The following ZNF624 variants were observed in gnomAD, a reference collection of about 807,000 sequenced individuals.
ZNF624 encodes the protein zinc finger protein 624.
ZNF624 carries 43 observed loss-of-function variants against 74.7 expected under a neutral mutation model. That is an observed-to-expected ratio of 0.58 (90% CI 0.45 to 0.74). ZNF624 has a LOEUF of 0.74. Ranked by LOEUF, ZNF624 falls within the 30% of genes least tolerant of loss-of-function variation. The pLI, the probability that ZNF624 is intolerant of heterozygous loss-of-function variation, is 0.00. For synonymous variants in ZNF624, 331 were observed against 341.3 expected (o/e 0.97, Z 0.33); for missense variants, 820 against 1,030.0 (o/e 0.80, Z 2.79).
intron 3 of ZNF624, among the ~76,000 whole-genome samples, chr17:16,643,490 A>G (rs1328663363): frequency 6.6e-6 from 1 of 152,228 alleles, no homozygotes; most frequent in Admixed American, 6.5e-5. Flanking sequence ...TATACAGATG[A>G]AAAGATTAGT....
intron 5 of ZNF624, among the ~76,000 whole-genome samples, chr17:16,628,936 C>T (rs991858221): frequency 6.6e-6 from 1 of 152,100 alleles, no homozygotes; most frequent in Non-Finnish European, 1.5e-5. Flanking sequence ...CAGTGGCTCA[C>T]ACCTGTAATC....
At chr17:16,628,246 G>C (rs954537984) in intron 5 of ZNF624, among the ~76,000 whole-genome samples, 3 of 152,032 alleles carry the variant, frequency 2.0e-5, no homozygotes, top group Non-Finnish European at 4.4e-5. Flanking sequence ...CTGGGTAAAA[G>C]AGCGAGACTC....
intron 2 of ZNF624, among the ~76,000 whole-genome samples, chr17:16,647,638 T>C (rs1035536233): frequency 2.6e-5 from 4 of 152,176 alleles, no homozygotes; most frequent in Non-Finnish European, 5.9e-5. Flanking sequence ...AAAGAACCTA[T>C]CAAAACAAAA....
chr17:16,640,630 G>A (rs1909444934), intron 3 of ZNF624, among the ~76,000 whole-genome samples: 1 of 152,066 alleles, frequency 6.6e-6, no homozygotes, highest in African/African-American at 2.4e-5. Context: ...TATGAACCAT[G>A]GTATGCGAAC....
At chr17:16,617,866 T>G (rs1161341120), downstream of ZNF624, 6 of 1,606,292 alleles carry the variant, frequency 3.7e-6, no homozygotes, top group Non-Finnish European at 5.1e-6. Context: ...AGGCGTCCTA[T>G]GTAGACGCGC....
intron 5 of ZNF624, among the ~76,000 whole-genome samples, chr17:16,629,398 T>A (rs1909154094): frequency 6.6e-6 from 1 of 151,440 alleles, no homozygotes; most frequent in African/African-American, 2.4e-5. Flanking sequence ...CCCCAAATGA[T>A]CCACCCACCT....
intron 3 of ZNF624, among the ~76,000 whole-genome samples, chr17:16,644,962 T>C (rs1909552958): frequency 1.3e-5 from 2 of 152,314 alleles, no homozygotes; most frequent in South Asian, 2.1e-4. Context: ...GACTTTCACA[T>C]GAGGGGTTTC....
rs148182583 is a variant in ZNF624 at position 16,649,733 on chromosome 17, T to C, written c.12A>G (p.Gln4=). ...TCCCCTCTCTGGAAAGAGTGGAGTC[T>C]TGCAAAGACATACCTAAGGAAGAGA... MSL[Q]DSTLSREGKP... Residue 4 remains glutamine (Q), a synonymous_variant, in exon 2 of 6, where the codon CAA becomes CAG. Transcript: ENST00000311331. 2.0e-4 allele frequency: 328 copies of C among 1,613,762 alleles called. No homozygotes were observed. The African/African-American group carries it at 4.1e-3, about 20-fold the overall frequency.
At chr17:16,627,181 T>C (rs897545807) in intron 5 of ZNF624, among the ~76,000 whole-genome samples, 1 of 151,984 alleles carries the variant, frequency 6.6e-6, no homozygotes, top group East Asian at 1.9e-4. Flanking sequence ...AGCAGAAAAA[T>C]TTGCTGCAAA....
At position 16,651,306 on chromosome 17, in the gene ZNF624, T is replaced by C. The variant is rs557830835; in HGVS notation, c.-2-1560A>G. Among the ~76,000 whole-genome samples the C allele has an allele frequency of 2.6e-5, 4 of 152,014 alleles. No individual in the cohort carries two copies. The South Asian group carries it at 8.3e-4, about 32-fold the overall frequency. On this transcript the variant is annotated intron_variant, in intron 1 of 5. Coordinates refer to ENST00000311331, the MANE Select transcript of ZNF624 (RefSeq NM_020787.4). ...TCAGCCAGGTGTGGTGGTGCACGCC[T>C]GTAGTCCCAGCTACTCGGGAGGCTG... is the stretch of plus-strand genomic sequence containing the variant.
intron 1 of ZNF624, among the ~76,000 whole-genome samples, chr17:16,652,336 G>A (rs776222093): frequency 5.9e-5 from 9 of 152,044 alleles, no homozygotes; most frequent in Non-Finnish European, 1.3e-4. Context: ...GCCCCATCCC[G>A]CAACCCCCGA....
At chr17:16,638,972 T>C (rs1030931259) in intron 3 of ZNF624, among the ~76,000 whole-genome samples, 1 of 152,216 alleles carries the variant, frequency 6.6e-6, no homozygotes, top group East Asian at 1.9e-4. Flanking sequence ...GGGCTTATAA[T>C]GTACTGAATG....
intron 3 of ZNF624, among the ~76,000 whole-genome samples, chr17:16,636,699 G>T (rs1909339761): frequency 6.6e-6 from 1 of 152,090 alleles, no homozygotes; most frequent in Non-Finnish European, 1.5e-5. Flanking sequence ...AGCCGGGTGT[G>T]GTGGCGGGTG....
At position 16,624,062 on chromosome 17, in the gene ZNF624, G is replaced by A. The variant is rs201155737; in HGVS notation, c.824C>T (p.Pro275Leu). 1.2e-6 allele frequency: 2 copies of A among 1,614,004 alleles called. No homozygotes were observed. Among genetic ancestry groups the A allele is most frequent in the Non-Finnish European group, 1.7e-6 (2 of 1,179,998 alleles). The change falls in exon 6 of 6, where the codon CCC becomes CTC. Residue 275 changes from proline to leucine, a missense_variant. By Grantham distance (98) the Pro-to-Leu change is moderately conservative. Coordinates refer to ENST00000311331, the MANE Select transcript of ZNF624 (RefSeq NM_020787.4). ...CTTTTCGCATGTACTACATTTGTAG[G>A]GTTTTTCCTTATTATTGGATTTTTT... is the stretch of plus-strand genomic sequence containing the variant. ...LGKKSNNKEK[P>L]YKCSTCEKAF...
At chr17:16,640,861 T>C (rs1172822397) in intron 3 of ZNF624, among the ~76,000 whole-genome samples, 1 of 152,114 alleles carries the variant, frequency 6.6e-6, no homozygotes, top group Non-Finnish European at 1.5e-5. Context: ...ACCCACTTTA[T>C]GAGACCAATA....
At position 16,622,580 on chromosome 17, in the gene ZNF624, A is replaced by G. The variant is rs1908946710; in HGVS notation, c.2306T>C (p.Val769Ala). The G allele has an allele frequency of 1.2e-6, 2 of 1,613,988 alleles. No individual in the cohort carries two copies. Among genetic ancestry groups the G allele is most frequent in the South Asian group, 2.2e-5 (2 of 91,076 alleles). ...KAFRRGSYLT[V>A]HWRTHTGEKP... Reference sequence around the variant, plus strand: ...TTCTCCAGTGTGTGTTCTCCAATGCACTGTAAGGTAAGAACCCCTCCTGAA... The same window carrying G: ...TTCTCCAGTGTGTGTTCTCCAATGCGCTGTAAGGTAAGAACCCCTCCTGAA... The change falls in exon 6 of 6, where the codon GTG becomes GCG. Residue 769 changes from valine (V) to alanine (A), a missense_variant. Transcript: ENST00000311331.
At chr17:16,639,194 T>A (rs1256629661) in intron 3 of ZNF624, among the ~76,000 whole-genome samples, 1 of 152,182 alleles carries the variant, frequency 6.6e-6, no homozygotes, top group Admixed American at 6.5e-5. Flanking sequence ...GGCAAAGAAG[T>A]CAACTTAGAT....
downstream of ZNF624, chr17:16,617,626 G>A: frequency 1.9e-6 from 3 of 1,606,306 alleles, no homozygotes; most frequent in East Asian, 2.2e-5. Context: ...CCTCCACCAC[G>A]GCGGCTTCCG....
chr17:16,623,121 A>G lies in ZNF624; in HGVS notation c.1765T>C (p.Cys589Arg). ...GATTTTATTCTGAAAGACTCCCCAC[A>G]TTCATTGCACAGATAAGGTTTCTCT... Reference protein sequence around the residue: ...TEEKPYLCNECGESFRIKSHL... With the variant: ...TEEKPYLCNERGESFRIKSHL... The change falls in exon 6 of 6, where the codon TGT (cysteine) becomes CGT (arginine). Residue 589 changes from cysteine (C) to arginine (R), a missense_variant. Coordinates refer to ENST00000311331, the MANE Select transcript of ZNF624 (RefSeq NM_020787.4). The surrounding 1 kb of genome is among the most constrained non-coding windows in gnomAD (Gnocchi z 5.3). 5 of 1,614,042 alleles carry G rather than the reference A, an allele frequency of 3.1e-6. No individual in the cohort carries two copies. Among genetic ancestry groups the G allele is most frequent in the Non-Finnish European group, 4.2e-6 (5 of 1,179,962 alleles).
Sources: gnomAD v4.1 joint callset for allele counts (sites outside exome capture counted in the v4.1 genomes callset) on GRCh38, gnomAD v4.1.1 for gene constraint, Gnocchi (gnomAD v3.1) non-coding constraint, MANE v1.5 for transcripts, NCBI Gene and HGNC (gene_info 2026-07-23, HGNC 2026-07-21) for gene names.